NCAM2: variants seen among roughly 807,000 people sequenced by gnomAD.
NCAM2 encodes the protein neural cell adhesion molecule 2.
In NCAM2, 30 loss-of-function variants were observed where a neutral mutation model predicts 98.1. That is an observed-to-expected ratio of 0.31 (90% CI 0.23 to 0.41). The LOEUF (loss-of-function observed/expected upper bound fraction) is 0.41, where lower values mean the gene tolerates loss of function less well. Ranked by LOEUF, NCAM2 falls within the 10% of genes least tolerant of loss-of-function variation. NCAM2 has a pLI of 1.00. For missense variants in NCAM2, 867 were observed against 1,005.8 expected (o/e 0.86, Z 1.87); for synonymous variants, 368 against 342.4 (o/e 1.07, Z -0.83).
In NCAM2 at chr21:21,336,637, T is replaced by G. The variant is rs556188455; in HGVS notation, c.898+972T>G. Among the ~76,000 whole-genome samples, 61 of 152,180 alleles carry G rather than the reference T, an allele frequency of 4.0e-4. No individual in the cohort carries two copies. In the South Asian group the frequency reaches 0.012, roughly 31 times the overall value. Reference sequence around the variant, plus strand: ...CTTACACTGACCATGAGATGAATGGTAATCCCTGCGTGGACACGCCCTCTG... The same window carrying G: ...CTTACACTGACCATGAGATGAATGGGAATCCCTGCGTGGACACGCCCTCTG... On this transcript the variant is annotated intron_variant, in intron 7 of 17. Coordinates refer to ENST00000400546, the MANE Select transcript of NCAM2 (RefSeq NM_004540.5).
chr21:21,380,009 T>C (rs1479772244), intron 9 of NCAM2, among the ~76,000 whole-genome samples: 7 of 152,054 alleles, frequency 4.6e-5, no homozygotes, highest in Admixed American at 4.6e-4. Context: ...AGTCTAGTCT[T>C]TTCACGTTTT....
chr21:21,392,361 T>C (rs1009893533), intron 9 of NCAM2, among the ~76,000 whole-genome samples: 1 of 152,192 alleles, frequency 6.6e-6, no homozygotes, highest in African/African-American at 2.4e-5. Flanking sequence ...TTGATGGACA[T>C]TTAGGTTGAA....
chr21:21,257,667 C>T (rs1335685456), intron 1 of NCAM2, among the ~76,000 whole-genome samples: 1 of 152,142 alleles, frequency 6.6e-6, no homozygotes, highest in East Asian at 1.9e-4. Flanking sequence ...ACTGCAACCT[C>T]TGCCTCCCGG....
intron 1 of NCAM2, among the ~76,000 whole-genome samples, chr21:21,231,236 A>G (rs1490291510): frequency 6.6e-6 from 1 of 151,354 alleles, no homozygotes; most frequent in Non-Finnish European, 1.5e-5. Context: ...AGAATTTTTC[A>G]TAAAAGAGAG....
At chr21:21,101,970 G>T (rs373376595) in intron 1 of NCAM2, among the ~76,000 whole-genome samples, 129 of 152,108 alleles carry the variant, frequency 8.5e-4, no homozygotes, top group Non-Finnish European at 1.3e-3. Flanking sequence ...CTAGCATGTG[G>T]CAAGCTTTGG....
At chr21:21,101,701 A>G (rs577820329) in intron 1 of NCAM2, among the ~76,000 whole-genome samples, 35 of 152,088 alleles carry the variant, frequency 2.3e-4, no homozygotes, top group Non-Finnish European at 3.8e-4. Flanking sequence ...GGTCACAGTC[A>G]TGTGTTCTTT....
intron 9 of NCAM2, among the ~76,000 whole-genome samples, chr21:21,395,558 G>T (rs922751567): frequency 6.6e-6 from 1 of 151,970 alleles, no homozygotes; most frequent in African/African-American, 2.4e-5. Context: ...AGCCCTCATA[G>T]CCAAAGCAAT....
intron 15 of NCAM2, among the ~76,000 whole-genome samples, chr21:21,493,747 G>A (rs1569116978): frequency 1.3e-5 from 2 of 151,930 alleles, no homozygotes; most frequent in East Asian, 3.9e-4. Flanking sequence ...GGCAATCACT[G>A]ACCTTTTTAC....
chr21:21,454,894 T>G (rs1981894891), intron 12 of NCAM2, among the ~76,000 whole-genome samples: 1 of 151,950 alleles, frequency 6.6e-6, no homozygotes, highest in African/African-American at 2.4e-5. Flanking sequence ...AGAAACAGGT[T>G]GCACTTGTCT....
intron 1 of NCAM2, among the ~76,000 whole-genome samples, chr21:21,257,248 G>A (rs1377413160): frequency 1.3e-5 from 2 of 152,144 alleles, no homozygotes; most frequent in Non-Finnish European, 2.9e-5. Context: ...TTTATCTGGA[G>A]GTTCTGAACA....
At chr21:21,080,431 A>T (rs1188115584) in intron 1 of NCAM2, among the ~76,000 whole-genome samples, 1 of 151,976 alleles carries the variant, frequency 6.6e-6, no homozygotes, top group Non-Finnish European at 1.5e-5. Context: ...AGCCTGACCA[A>T]CATGGAGAAA....
At chr21:21,394,133 A>C (rs1478553084) in intron 9 of NCAM2, among the ~76,000 whole-genome samples, 1 of 152,190 alleles carries the variant, frequency 6.6e-6, no homozygotes, top group Non-Finnish European at 1.5e-5. Context: ...AAATTAGAAC[A>C]AAAACTGCAT....
chr21:21,215,691 G>A (rs984075537), intron 1 of NCAM2, among the ~76,000 whole-genome samples: 5 of 152,124 alleles, frequency 3.3e-5, no homozygotes, highest in Non-Finnish European at 7.3e-5. Flanking sequence ...TCATGCCACT[G>A]CACTGCAGCC....
At chr21:21,391,809 G>C (rs1016562304) in intron 9 of NCAM2, among the ~76,000 whole-genome samples, 1 of 3,756 alleles carries the variant, frequency 2.7e-4, no homozygotes, top group South Asian at 0.016. Flanking sequence ...TTGCTGGTTA[G>C]GTACAAGTTA....
At chr21:21,157,795 G>A (rs1006118192) in intron 1 of NCAM2, among the ~76,000 whole-genome samples, 1 of 152,082 alleles carries the variant, frequency 6.6e-6, no homozygotes, top group Non-Finnish European at 1.5e-5. Context: ...TAGGCAAAGT[G>A]GTTAGTCTTT....
intron 1 of NCAM2, among the ~76,000 whole-genome samples, chr21:21,035,162 A>G (rs1601159744): frequency 6.6e-6 from 1 of 152,302 alleles, no homozygotes; most frequent in East Asian, 1.9e-4. Context: ...ATCTTTCCAA[A>G]GGACTATTTA....
chr21:21,294,101 G>A (rs1445013121), intron 5 of NCAM2, among the ~76,000 whole-genome samples: 1 of 151,334 alleles, frequency 6.6e-6, no homozygotes, highest in African/African-American at 2.4e-5. Context: ...TAATTGTGGT[G>A]TTTATCATTA....
intron 1 of NCAM2, among the ~76,000 whole-genome samples, chr21:21,122,909 T>G (rs1171655420): frequency 6.6e-6 from 1 of 152,156 alleles, no homozygotes; most frequent in Non-Finnish European, 1.5e-5. Context: ...TGCAGTCTCG[T>G]GTACACTTGT....
intron 5 of NCAM2, among the ~76,000 whole-genome samples, chr21:21,312,560 T>G (rs891809774): frequency 1.1e-5 from 1 of 88,480 alleles, no homozygotes; most frequent in East Asian, 2.9e-4. Context: ...CAGCCTTATA[T>G]TCACAGGAAA....
Sources: allele counts gnomAD v4.1 joint callset (sites outside exome capture counted in the v4.1 genomes callset), GRCh38; gene constraint gnomAD v4.1.1; transcripts MANE v1.5; gene names NCBI Gene and HGNC (gene_info 2026-07-23, HGNC 2026-07-21).